Variants in RABGAP1L observed in about 807,000 individuals in gnomAD.
The protein encoded by RABGAP1L is rab GTPase-activating protein 1-like.
A neutral mutation model predicts 137.7 loss-of-function variants in RABGAP1L; 63 were observed. The ratio of observed to expected loss-of-function variants is 0.46; its 90% CI spans 0.37 to 0.56. RABGAP1L has a LOEUF of 0.56. RABGAP1L is among the 20% of genes least tolerant of loss of function. RABGAP1L has a pLI of 0.00. For synonymous variants in RABGAP1L, 431 were observed against 433.7 expected (o/e 0.99, Z 0.08); for missense variants, 1,095 against 1,244.0 (o/e 0.88, Z 1.80).
rs573746632 is a variant in RABGAP1L, at chr1:174,620,573, T to A, written c.1711-16802T>A. Reference sequence around the variant, plus strand: ...GAAATGAAGGCAGAAATAAAGATGTTCTTTGAAACCAACGAGAACAAAGAC... The same window carrying A: ...GAAATGAAGGCAGAAATAAAGATGTACTTTGAAACCAACGAGAACAAAGAC... On this transcript the variant is annotated intron_variant, in intron 13 of 25. Coordinates refer to ENST00000681986, the MANE Select transcript of RABGAP1L (RefSeq NM_001366446.1). Among the ~76,000 whole-genome samples, 48 of 152,204 alleles carry A rather than the reference T, an allele frequency of 3.2e-4. No homozygotes were observed. The South Asian group carries it at 7.5e-3, about 24-fold the overall frequency.
intron 19 of RABGAP1L, chr1:174,877,751 C>G (rs1653383896): frequency 5.0e-6 from 4 of 795,144 alleles, no homozygotes; most frequent in Admixed American, 5.4e-5. Flanking sequence ...TAATTAAACA[C>G]TCATATAACA....
chr1:174,240,341 G>T (rs1671696380), intron 4 of RABGAP1L, among the ~76,000 whole-genome samples: 1 of 152,186 alleles, frequency 6.6e-6, no homozygotes, highest in Admixed American at 6.5e-5. Flanking sequence ...CTGCCTCCTG[G>T]GTTCAAGCGA....
At chr1:174,468,623 T>A (rs1001760077) in intron 13 of RABGAP1L, among the ~76,000 whole-genome samples, 2 of 152,186 alleles carry the variant, frequency 1.3e-5, no homozygotes, top group Non-Finnish European at 2.9e-5. Context: ...AGTAGTTAAT[T>A]TCTTAAACTA....
intron 13 of RABGAP1L, among the ~76,000 whole-genome samples, chr1:174,428,220 A>G (rs748612365): frequency 6.6e-6 from 1 of 152,206 alleles, no homozygotes; most frequent in South Asian, 2.1e-4. Context: ...TTCAACAAAC[A>G]TGCACTGAGT....
chr1:174,656,839 C>A (rs1188541049), intron 14 of RABGAP1L, among the ~76,000 whole-genome samples: 1 of 152,158 alleles, frequency 6.6e-6, no homozygotes, highest in Admixed American at 6.5e-5. Flanking sequence ...GTCTACCAGT[C>A]TTTGCCAAGG....
chr1:174,279,347 G>C lies in RABGAP1L; in HGVS notation c.1323+568G>C, dbSNP rs568034197. Among the ~76,000 whole-genome samples, 4 of 152,214 alleles carry C rather than the reference G, an allele frequency of 2.6e-5. No individual in the cohort carries two copies. In the East Asian group the frequency reaches 7.7e-4, roughly 29 times the overall value. On this transcript the variant is annotated intron_variant, in intron 10 of 25. Coordinates refer to ENST00000681986, the MANE Select transcript of RABGAP1L (RefSeq NM_001366446.1). ...CTTTTGTATTATAGCAAAGGAAGCAGATAATAATGAAAAATAACTTGAATG... is the reference window on the plus strand; with the variant it reads ...CTTTTGTATTATAGCAAAGGAAGCACATAATAATGAAAAATAACTTGAATG...
At chr1:174,647,537 T>C (rs1675076457) in intron 14 of RABGAP1L, among the ~76,000 whole-genome samples, 1 of 152,168 alleles carries the variant, frequency 6.6e-6, no homozygotes. Flanking sequence ...TGAACAAGCC[T>C]TGCATCCCAG....
At chr1:174,328,071 C>G (rs1400034595) in intron 11 of RABGAP1L, among the ~76,000 whole-genome samples, 1 of 136,776 alleles carries the variant, frequency 7.3e-6, no homozygotes, top group Non-Finnish European at 1.6e-5. Context: ...ATTAATAGAG[C>G]TAATGGAATA....
chr1:174,939,625 C>G (rs1225481076), intron 19 of RABGAP1L, among the ~76,000 whole-genome samples: 1 of 151,852 alleles, frequency 6.6e-6, no homozygotes, highest in African/African-American at 2.4e-5. Context: ...AAGGTCTTCT[C>G]AAATAGTCTT....
intron 1 of RABGAP1L, among the ~76,000 whole-genome samples, chr1:174,187,617 A>C (rs1666904121): frequency 1.3e-5 from 2 of 152,150 alleles, no homozygotes; most frequent in African/African-American, 4.8e-5. Flanking sequence ...AGATGCTAAT[A>C]CTGAAGAGAA....
intron 4 of RABGAP1L, among the ~76,000 whole-genome samples, chr1:174,234,486 G>T (rs1477856818): frequency 6.9e-6 from 1 of 145,976 alleles, no homozygotes; most frequent in Non-Finnish European, 1.5e-5. Context: ...CCTACATATG[G>T]CTATCCAGTT....
chr1:174,550,921 C>CACACAT (rs1467484298), intron 13 of RABGAP1L, among the ~76,000 whole-genome samples: 1 of 90,958 alleles, frequency 1.1e-5, no homozygotes, highest in East Asian at 3.4e-4. Context: ...CACACACACA[C>CACACAT]ATATATATAT....
chr1:174,787,534 A>G (rs1222723932), intron 18 of RABGAP1L, among the ~76,000 whole-genome samples: 2 of 152,222 alleles, frequency 1.3e-5, no homozygotes, highest in East Asian at 1.9e-4. Context: ...TTTAAAAAGC[A>G]TATTTGGGAA....
chr1:174,970,681 G>A, intron 21 of RABGAP1L, among the ~76,000 whole-genome samples: 1 of 151,794 alleles, frequency 6.6e-6, no homozygotes, highest in East Asian at 1.9e-4. Context: ...CATGAATGAG[G>A]AAACTATATA....
chr1:174,459,353 GT>G (rs1289019537), intron 13 of RABGAP1L, among the ~76,000 whole-genome samples: 2 of 152,108 alleles, frequency 1.3e-5, no homozygotes, highest in African/African-American at 4.8e-5. Flanking sequence ...TGATCTTGAT[GT>G]TTTTCTTGAA....
intron 19 of RABGAP1L, among the ~76,000 whole-genome samples, chr1:174,904,362 CTA>C (rs1326354481): frequency 1.3e-5 from 2 of 152,148 alleles, no homozygotes; most frequent in Non-Finnish European, 2.9e-5. Context: ...CTGAACAAGA[CTA>C]TGTCTCTAAA....
At chr1:174,312,555 T>G (rs1168949349) in intron 11 of RABGAP1L, among the ~76,000 whole-genome samples, 2 of 152,332 alleles carry the variant, frequency 1.3e-5, no homozygotes, top group East Asian at 1.9e-4. Context: ...GTGAGTTATC[T>G]CTTCACTTTG....
chr1:174,696,627 C>G (rs1033578363), intron 15 of RABGAP1L, among the ~76,000 whole-genome samples: 1 of 152,130 alleles, frequency 6.6e-6, no homozygotes, highest in African/African-American at 2.4e-5. Context: ...TAAATTCTGC[C>G]CTGTGTTGTG....
chr1:174,549,550 G>C (rs1433255684), intron 13 of RABGAP1L, among the ~76,000 whole-genome samples: 3 of 152,182 alleles, frequency 2.0e-5, no homozygotes, highest in Admixed American at 2.0e-4. Context: ...AATTTTAGAA[G>C]TATGTAGAGA....
Sources: gnomAD v4.1 joint callset for allele counts (sites outside exome capture counted in the v4.1 genomes callset) on GRCh38, gnomAD v4.1.1 for gene constraint, MANE v1.5 for transcripts, NCBI Gene and HGNC (gene_info 2026-07-23, HGNC 2026-07-21) for gene names.